Variants in DIAPH3 observed in about 807,000 individuals in gnomAD.
DIAPH3 encodes diaphanous related formin 3, also known as protein diaphanous homolog 3.
In DIAPH3, 117 loss-of-function variants were observed where a neutral mutation model predicts 144.3. That is an observed-to-expected ratio of 0.81 (90% CI 0.70 to 0.95). The LOEUF (loss-of-function observed/expected upper bound fraction) is 0.95, where lower values mean the gene tolerates loss of function less well. DIAPH3 is among the 40% of genes least tolerant of loss of function. DIAPH3 has a pLI of 0.00. For missense variants in DIAPH3, 1,421 were observed against 1,412.7 expected, an observed-to-expected ratio of 1.01 and a Z score of -0.09; for synonymous variants, 519 against 488.9, an observed-to-expected ratio of 1.06 and a Z score of -0.81.
intron 18 of DIAPH3, among the ~76,000 whole-genome samples, chr13:59,917,889 CAA>C (rs60792156): frequency 0.043 from 796 of 18,334 alleles, no homozygotes; most frequent in Non-Finnish European, 0.072. Flanking sequence ...GACTCTGTCT[CAA>C]AAAAAAAAAA....
chr13:59,687,034 C>G (rs1379066901), intron 27 of DIAPH3, among the ~76,000 whole-genome samples: 1 of 152,010 alleles, frequency 6.6e-6, no homozygotes, highest in Admixed American at 6.6e-5. Context: ...AAGACTGAGT[C>G]TAGACCAAGA....
At chr13:59,687,372 T>C (rs999680045) in intron 27 of DIAPH3, among the ~76,000 whole-genome samples, 3 of 152,090 alleles carry the variant, frequency 2.0e-5, no homozygotes, top group African/African-American at 4.8e-5. Context: ...GTTTGGACTT[T>C]TAAAAACAAT....
intron 3 of DIAPH3, among the ~76,000 whole-genome samples, chr13:60,108,092 G>A (rs919187707): frequency 6.6e-6 from 1 of 152,048 alleles, no homozygotes; most frequent in Non-Finnish European, 1.5e-5. Context: ...TCTTAAGTTA[G>A]GAAGCTGCAC....
intron 27 of DIAPH3, among the ~76,000 whole-genome samples, chr13:59,756,444 A>AAGGAAG (rs1566265975): frequency 9.0e-4 from 110 of 122,826 alleles, no homozygotes; most frequent in African/African-American, 1.2e-3. Flanking sequence ...AAGGAAGGAA[A>AAGGAAG]GAAGGAAGGA....
chr13:60,025,404 C>CAAAAAA (rs370177105), intron 5 of DIAPH3, among the ~76,000 whole-genome samples: 1 of 68,146 alleles, frequency 1.5e-5, no homozygotes, highest in African/African-American at 5.5e-5. Flanking sequence ...TTGTGCTTAG[C>CAAAAAA]AAAAAAAAAA....
At chr13:59,959,713 A>G (rs1430550069) in intron 17 of DIAPH3, among the ~76,000 whole-genome samples, 3 of 152,244 alleles carry the variant, frequency 2.0e-5, no homozygotes, top group Non-Finnish European at 4.4e-5. Flanking sequence ...TCTCCAGAGC[A>G]TCAAGAACAT....
chr13:60,121,380 C>G (rs1396284546), intron 2 of DIAPH3, among the ~76,000 whole-genome samples: 1 of 151,998 alleles, frequency 6.6e-6, no homozygotes, highest in Admixed American at 6.6e-5. Flanking sequence ...CTAAGAACAC[C>G]TGGTAGGTGG....
chr13:59,669,736 CTGTT>C (rs375386046), intron 27 of DIAPH3, among the ~76,000 whole-genome samples: 184 of 152,292 alleles, frequency 1.2e-3, no homozygotes, highest in African/African-American at 4.3e-3. Flanking sequence ...GGGGGAATCT[CTGTT>C]TGTCTCCACA....
chr13:59,918,953 A>T (rs1593982112), intron 18 of DIAPH3, among the ~76,000 whole-genome samples: 1 of 152,042 alleles, frequency 6.6e-6, no homozygotes, highest in East Asian at 1.9e-4. Flanking sequence ...ACAAAAAAAA[A>T]AAAAAAAAAT....
chr13:60,011,978 T>A (rs868557168), intron 7 of DIAPH3, among the ~76,000 whole-genome samples: 3 of 152,232 alleles, frequency 2.0e-5, no homozygotes, highest in South Asian at 2.1e-4. Flanking sequence ...GTACTATTTA[T>A]CTAGCATGCA....
At chr13:60,095,936 CA>C (rs1158285298) in intron 3 of DIAPH3, among the ~76,000 whole-genome samples, 1 of 152,064 alleles carries the variant, frequency 6.6e-6, no homozygotes, top group Non-Finnish European at 1.5e-5. Flanking sequence ...ATCAATCTAC[CA>C]ATCTACAATG....
chr13:59,735,888 TCAGG>T (rs1196060324), intron 27 of DIAPH3, among the ~76,000 whole-genome samples: 1 of 152,144 alleles, frequency 6.6e-6, no homozygotes, highest in Non-Finnish European at 1.5e-5. Context: ...ATTTCATCAC[TCAGG>T]CATTAACCCT....
intron 14 of DIAPH3, among the ~76,000 whole-genome samples, chr13:59,976,010 C>A (rs1181106938): frequency 1.3e-5 from 2 of 151,948 alleles, no homozygotes; most frequent in Non-Finnish European, 2.9e-5. Flanking sequence ...GTGCTTCCCC[C>A]TAAGGACTTG....
At chr13:59,730,683 AG>A (rs1766797742) in intron 27 of DIAPH3, among the ~76,000 whole-genome samples, 1 of 152,212 alleles carries the variant, frequency 6.6e-6, no homozygotes, top group African/African-American at 2.4e-5. Flanking sequence ...TTGAGATTTG[AG>A]GCCATTCTGC....
intron 4 of DIAPH3, among the ~76,000 whole-genome samples, chr13:60,082,638 G>C (rs2057600962): frequency 6.6e-6 from 1 of 151,842 alleles, no homozygotes; most frequent in Non-Finnish European, 1.5e-5. Flanking sequence ...ATCCAACAAA[G>C]CTGACTAAAC....
chr13:60,137,943 C>T (rs974293072), intron 1 of DIAPH3, among the ~76,000 whole-genome samples: 9 of 151,748 alleles, frequency 5.9e-5, no homozygotes, highest in South Asian at 2.1e-4. Flanking sequence ...AGACTAGTCT[C>T]GAAATCCTGA....
At chr13:59,736,972 C>T (rs1247615676) in intron 27 of DIAPH3, among the ~76,000 whole-genome samples, 3 of 152,044 alleles carry the variant, frequency 2.0e-5, no homozygotes, top group African/African-American at 7.2e-5. Flanking sequence ...AAACTGGACC[C>T]CTTCCTTAAA....
chr13:60,082,699 T>G (rs2057603076), intron 4 of DIAPH3, among the ~76,000 whole-genome samples: 1 of 152,102 alleles, frequency 6.6e-6, no homozygotes, highest in South Asian at 2.1e-4. Context: ...AAATACTGTT[T>G]CCATGAGTCC....
rs1594815410 is a variant in DIAPH3 at position 60,163,893 on chromosome 13, C to G, written c.-127G>C. On this transcript the variant is annotated 5_prime_UTR_variant, in exon 1 of 28. Transcript: ENST00000400324. ...ACCCAAACAGTCAGCACAGCCTAGCCCAACCGCTGAAGTCGGGGCCGCAGC... is the reference window on the plus strand; with the variant it reads ...ACCCAAACAGTCAGCACAGCCTAGCGCAACCGCTGAAGTCGGGGCCGCAGC... 1 of 1,245,692 alleles carries G rather than the reference C, an allele frequency of 8.0e-7. No individual in the cohort carries two copies. Among genetic ancestry groups the G allele is most frequent in the East Asian group, 2.7e-5 (1 of 37,358 alleles). The allele number at this position is 1,245,692 out of a possible 1,614,324, so 77.2% of individuals were successfully genotyped here.
Sources: allele counts gnomAD v4.1 joint callset (sites outside exome capture counted in the v4.1 genomes callset), GRCh38; gene constraint gnomAD v4.1.1; transcripts MANE v1.5; gene names NCBI Gene and HGNC (gene_info 2026-07-23, HGNC 2026-07-21).